TRAPPC9: variants seen among roughly 807,000 people sequenced by gnomAD.
The protein encoded by TRAPPC9 is trafficking protein particle complex subunit 9, also known as IKK2 binding protein.
TRAPPC9 carries 83 observed loss-of-function variants against 124.0 expected under a neutral mutation model. The ratio of observed to expected loss-of-function variants is 0.67; its 90% CI spans 0.56 to 0.80. TRAPPC9 has a LOEUF of 0.80. Among genes scored for constraint, TRAPPC9 ranks in the 30% least tolerant of loss-of-function variants. TRAPPC9 has a pLI of 0.00. For synonymous variants in TRAPPC9, 638 were observed against 617.5 expected, an observed-to-expected ratio of 1.03 and a Z score of -0.49; for missense variants, 1,302 against 1,508.3, an observed-to-expected ratio of 0.86 and a Z score of 2.27.
At chr8:140,074,916 C>A (rs1014960279) in intron 17 of TRAPPC9, among the ~76,000 whole-genome samples, 1 of 152,180 alleles carries the variant, frequency 6.6e-6, no homozygotes, top group African/African-American at 2.4e-5. Context: ...CATTCAGATG[C>A]TGATCCCTGT....
intron 15 of TRAPPC9, among the ~76,000 whole-genome samples, chr8:140,255,846 A>C (rs2064241028): frequency 6.6e-6 from 1 of 152,218 alleles, no homozygotes; most frequent in South Asian, 2.1e-4. Flanking sequence ...AGGTCGCGCC[A>C]CTACACTCCA....
intron 17 of TRAPPC9, among the ~76,000 whole-genome samples, chr8:140,042,386 A>G (rs1259892053): frequency 6.6e-6 from 1 of 152,236 alleles, no homozygotes; most frequent in East Asian, 1.9e-4. Context: ...TTTGACTTTA[A>G]AACAATCATT....
chr8:139,877,436 C>T (rs1320288623), intron 21 of TRAPPC9, among the ~76,000 whole-genome samples: 1 of 152,234 alleles, frequency 6.6e-6, no homozygotes, highest in Non-Finnish European at 1.5e-5. Flanking sequence ...GGGAGCAGCA[C>T]ACCCTTTCCA....
At chr8:140,356,680 G>T (rs991812476) in intron 9 of TRAPPC9, among the ~76,000 whole-genome samples, 1 of 151,570 alleles carries the variant, frequency 6.6e-6, no homozygotes, top group Non-Finnish European at 1.5e-5. Flanking sequence ...CATGATCTCG[G>T]CTCACTGCAA....
chr8:139,826,368 G>A (rs1305860957), intron 21 of TRAPPC9, among the ~76,000 whole-genome samples: 1 of 152,212 alleles, frequency 6.6e-6, no homozygotes, highest in African/African-American at 2.4e-5. Flanking sequence ...GACAAGGCAG[G>A]GCTTCTCAGC....
At chr8:140,321,177 C>T (rs991558174) in intron 9 of TRAPPC9, among the ~76,000 whole-genome samples, 1 of 152,246 alleles carries the variant, frequency 6.6e-6, no homozygotes, top group Non-Finnish European at 1.5e-5. Context: ...CTGCCTGCGG[C>T]AGAGAAGCCG....
chr8:140,176,241 G>A (rs1243691830), intron 17 of TRAPPC9, among the ~76,000 whole-genome samples: 2 of 152,112 alleles, frequency 1.3e-5, no homozygotes. Context: ...TAACGTACTG[G>A]TGTATCCACT....
chr8:140,146,404 G>T (rs527792836), intron 17 of TRAPPC9, among the ~76,000 whole-genome samples: 24 of 152,354 alleles, frequency 1.6e-4, no homozygotes, highest in African/African-American at 5.5e-4. Flanking sequence ...GTCGCATTTG[G>T]CCAGGAACTA....
chr8:139,832,499 C>A (rs561599703), intron 21 of TRAPPC9, among the ~76,000 whole-genome samples: 1 of 152,152 alleles, frequency 6.6e-6, no homozygotes, highest in Admixed American at 6.5e-5. Flanking sequence ...CCAGTGGGCA[C>A]GGAGTTGGGA....
chr8:140,037,839 A>AAC (rs1220497673), intron 17 of TRAPPC9, among the ~76,000 whole-genome samples: 7 of 112,410 alleles, frequency 6.2e-5, no homozygotes, highest in African/African-American at 2.3e-4. Flanking sequence ...AACACACACC[A>AAC]ACACACACAC....
chr8:140,010,143 GT>G lies in TRAPPC9; in HGVS notation c.2699+13793del, dbSNP rs530708287. On this transcript the variant is annotated intron_variant, in intron 18 of 22. Coordinates refer to ENST00000438773, the MANE Select transcript of TRAPPC9 (RefSeq NM_001160372.4). ...ACAAATCGAAATTTAATTTTTAACA[GT>G]TTTAACAACTAAATTTGTGGAATAC... Among the ~76,000 whole-genome samples, 101 of 152,202 alleles carry G rather than the reference GT, an allele frequency of 6.6e-4. 1 individual carries two copies. The highest frequency in any genetic ancestry group is 2.2e-3 in the African/African-American group (92 of 41,514).
At chr8:140,057,995 G>C (rs1041950201) in intron 17 of TRAPPC9, among the ~76,000 whole-genome samples, 1 of 152,210 alleles carries the variant, frequency 6.6e-6, no homozygotes, top group Non-Finnish European at 1.5e-5. Flanking sequence ...ACCCAGCAAC[G>C]GCTGGCATTC....
At chr8:140,398,591 T>C (rs1410533909) in intron 6 of TRAPPC9, among the ~76,000 whole-genome samples, 2 of 152,194 alleles carry the variant, frequency 1.3e-5, no homozygotes, top group African/African-American at 4.8e-5. Context: ...CCCTGGAGAT[T>C]TGTGGAACTC....
chr8:140,283,035 C>T (rs536032003), intron 14 of TRAPPC9, among the ~76,000 whole-genome samples: 1 of 151,774 alleles, frequency 6.6e-6, no homozygotes, highest in African/African-American at 2.4e-5. Context: ...CCCAGGAGTT[C>T]AAGACCAGCC....
Position 139,753,161 on chromosome 8 carries a change from ACCATCCAT to A in TRAPPC9, c.3056-20967_3056-20960del, listed in dbSNP as rs1221513658. On this transcript the variant is annotated intron_variant, in intron 21 of 22. Transcript: ENST00000438773. ...TCCACCATCCACCATCCACCCATCC[ACCATCCAT>A]CCATCCATCCAACATCTACCCATGC... is the stretch of plus-strand genomic sequence containing the variant. Among the ~76,000 whole-genome samples, 115 of 136,572 alleles carry A rather than the reference ACCATCCAT, an allele frequency of 8.4e-4. 1 individual carries two copies. Among genetic ancestry groups the A allele is most frequent in the African/African-American group, 3.1e-3 (108 of 35,128 alleles). The allele number at this position is 136,572 out of a possible 152,430, so 89.6% of individuals were successfully genotyped here.
At chr8:139,853,264 CAACCAGTTT>C (rs1305307519) in intron 21 of TRAPPC9, among the ~76,000 whole-genome samples, 2 of 152,170 alleles carry the variant, frequency 1.3e-5, no homozygotes, top group African/African-American at 4.8e-5. Flanking sequence ...GGAGACACGA[CAACCAGTTT>C]CCCATTTGCA....
At chr8:139,790,819 T>TCGATGTA (rs886356608) in intron 21 of TRAPPC9, among the ~76,000 whole-genome samples, 2 of 152,108 alleles carry the variant, frequency 1.3e-5, no homozygotes, top group African/African-American at 4.8e-5. Context: ...GTAAGGTGAC[T>TCGATGTA]CGATGTAGGG....
intron 15 of TRAPPC9, among the ~76,000 whole-genome samples, chr8:140,253,246 A>G (rs1259832753): frequency 6.6e-6 from 1 of 152,166 alleles, no homozygotes; most frequent in African/African-American, 2.4e-5. Context: ...GCTCTTATAA[A>G]CTAAATCAGA....
intron 19 of TRAPPC9, among the ~76,000 whole-genome samples, chr8:139,919,659 G>A (rs905453443): frequency 6.6e-6 from 1 of 152,198 alleles, no homozygotes; most frequent in African/African-American, 2.4e-5. Flanking sequence ...ATTGACCTGT[G>A]TTCATAGGTA....
Sources: gnomAD v4.1 joint callset for allele counts (sites outside exome capture counted in the v4.1 genomes callset) on GRCh38, gnomAD v4.1.1 for gene constraint, MANE v1.5 for transcripts, NCBI Gene and HGNC (gene_info 2026-07-23, HGNC 2026-07-21) for gene names.